Variants in RELCH observed in about 807,000 individuals in gnomAD.
RELCH encodes RAB11-binding protein RELCH.
RELCH carries 41 observed loss-of-function variants against 150.3 expected under a neutral mutation model. The observed-to-expected ratio is 0.27, with a 90% CI of 0.21 to 0.35. The LOEUF is 0.35. Ranked by LOEUF, RELCH falls within the 10% of genes least tolerant of loss-of-function variation. RELCH has a pLI of 1.00. For missense variants in RELCH, 1,092 were observed against 1,467.8 expected, an observed-to-expected ratio of 0.74 and a Z score of 4.18; for synonymous variants, 478 against 531.8, an observed-to-expected ratio of 0.90 and a Z score of 1.39.
At chr18:62,253,796 T>C (rs1006772614) in intron 12 of RELCH, among the ~76,000 whole-genome samples, 10 of 152,246 alleles carry the variant, frequency 6.6e-5, no homozygotes, top group African/African-American at 2.4e-4. Context: ...CAGTGCATAC[T>C]AATTTAGGGT....
intron 25 of RELCH, among the ~76,000 whole-genome samples, chr18:62,283,591 G>A (rs574321447): frequency 1.3e-4 from 20 of 152,230 alleles, no homozygotes; most frequent in Admixed American, 6.5e-5. Context: ...CCAAAAAATC[G>A]ATTGAAGGCA....
chr18:62,259,286 A>T (rs1043772984), intron 15 of RELCH, among the ~76,000 whole-genome samples: 1 of 151,978 alleles, frequency 6.6e-6, no homozygotes, highest in Non-Finnish European at 1.5e-5. Flanking sequence ...AGGAGAGGGG[A>T]AGTATTATAG....
Position 62,221,204 on chromosome 18 carries a change from G to GTT in RELCH, c.689-9_689-8dup, listed in dbSNP as rs763142680. The GTT allele has an allele frequency of 1.9e-5, 30 of 1,605,080 alleles. No homozygotes were observed. The highest frequency in any genetic ancestry group is 2.4e-5 in the Non-Finnish European group (28 of 1,172,838). On this transcript the variant is annotated splice_polypyrimidine_tract_variant and intron_variant, in intron 3 of 28. Transcript: ENST00000644646. ...TGTAAAATAGTAAAATAGTACTTAT[G>GTT]TTTTTTTCCACCAGAACATGAAGTT...
chr18:62,195,075 A>G, intron 1 of RELCH, among the ~76,000 whole-genome samples: 1 of 152,202 alleles, frequency 6.6e-6, no homozygotes, highest in Non-Finnish European at 1.5e-5. Context: ...ACATTCAAAT[A>G]TGAACAGGAT....
At chr18:62,225,042 A>G (rs1200643776) in intron 5 of RELCH, among the ~76,000 whole-genome samples, 1 of 152,108 alleles carries the variant, frequency 6.6e-6, no homozygotes, top group Non-Finnish European at 1.5e-5. Context: ...AATAGAATCC[A>G]GAGATGGACT....
intron 25 of RELCH, among the ~76,000 whole-genome samples, chr18:62,285,265 G>A (rs1021356096): frequency 1.4e-4 from 21 of 152,056 alleles, no homozygotes; most frequent in African/African-American, 5.1e-4. Context: ...AGCCTCCCGA[G>A]TAGCTGGGAT....
At chr18:62,252,020 G>A (rs926544378) in intron 11 of RELCH, among the ~76,000 whole-genome samples, 13 of 151,828 alleles carry the variant, frequency 8.6e-5, no homozygotes, top group Non-Finnish European at 1.6e-4. Context: ...TTCTTGAGAC[G>A]GAGTCTCACT....
chr18:62,205,003 G>C (rs1197141843), intron 1 of RELCH, among the ~76,000 whole-genome samples: 2 of 152,122 alleles, frequency 1.3e-5, no homozygotes, highest in Non-Finnish European at 1.5e-5. Context: ...AAAGCATACA[G>C]ACAAGTTGAA....
intron 27 of RELCH, among the ~76,000 whole-genome samples, chr18:62,295,884 G>A (rs2045384895): frequency 6.6e-6 from 1 of 151,982 alleles, no homozygotes; most frequent in Non-Finnish European, 1.5e-5. Context: ...TGAATTTAAG[G>A]TTTTAAGTAT....
At chr18:62,293,736 A>C (rs2045271778) in intron 27 of RELCH, among the ~76,000 whole-genome samples, 1 of 151,964 alleles carries the variant, frequency 6.6e-6, no homozygotes, top group Non-Finnish European at 1.5e-5. Flanking sequence ...TTAAACTAAC[A>C]CCCATGTAAT....
chr18:62,242,473 A>C (rs941831240), intron 10 of RELCH, among the ~76,000 whole-genome samples: 9 of 152,162 alleles, frequency 5.9e-5, no homozygotes, highest in African/African-American at 2.2e-4. Context: ...AAATTGCAGA[A>C]TGTATGTGAA....
At chr18:62,298,984 A>C in intron 28 of RELCH, 124 bp downstream of exon 28, 1 of 589,390 alleles carries the variant, frequency 1.7e-6, no homozygotes, top group Non-Finnish European at 3.0e-6. Context: ...GAAGACAAGA[A>C]AATGATTTAA....
chr18:62,297,705 G>C (rs991545142), intron 27 of RELCH, among the ~76,000 whole-genome samples: 1 of 152,108 alleles, frequency 6.6e-6, no homozygotes, highest in Admixed American at 6.6e-5. Flanking sequence ...CTCTCTTCTA[G>C]TACATCTAAG....
intron 12 of RELCH, chr18:62,254,649 G>A (rs1247181979): frequency 6.6e-6 from 1 of 151,972 alleles, no homozygotes; most frequent in East Asian, 1.9e-4. Flanking sequence ...CCTCCAGTTT[G>A]TTGCCCAGTA....
At chr18:62,252,308 A>T (rs748321409) in intron 11 of RELCH, among the ~76,000 whole-genome samples, 4 of 151,972 alleles carry the variant, frequency 2.6e-5, no homozygotes, top group Admixed American at 6.5e-5. Flanking sequence ...CAAAAGGTCT[A>T]ATTTTTCAAA....
chr18:62,292,290 G>C (rs1359952138), intron 27 of RELCH, among the ~76,000 whole-genome samples: 1 of 151,982 alleles, frequency 6.6e-6, no homozygotes, highest in Non-Finnish European at 1.5e-5. Context: ...ACCCTGATAG[G>C]ACTTTTTTTT....
At chr18:62,228,202 TTTTAAA>T (rs2041333293) in intron 7 of RELCH, 97 bp from the exon 8 acceptor site, 4 of 954,858 alleles carry the variant, frequency 4.2e-6, no homozygotes, top group Admixed American at 2.4e-5. Flanking sequence ...CTACTAATAC[TTTTAAA>T]TATGCTTTTA....
At chr18:62,295,333 TTC>T (rs2045355185) in intron 27 of RELCH, among the ~76,000 whole-genome samples, 1 of 151,436 alleles carries the variant, frequency 6.6e-6, no homozygotes, top group Admixed American at 6.6e-5. Flanking sequence ...TTTTTTTTTT[TTC>T]TCTTTCTTTT....
In RELCH at chr18:62,307,542, A is replaced by C. The variant is rs888482474; in HGVS notation, c.*2008A>C. The C allele has an allele frequency of 2.6e-5, 4 of 152,080 alleles. No homozygotes were observed. The highest frequency in any genetic ancestry group is 9.7e-5 in the African/African-American group (4 of 41,434). The allele number at this position is 152,080 out of a possible 1,614,324, so 9.4% of individuals were successfully genotyped here. ...TCTTAAATATTTTAATATCATTAAG[A>C]TTTCACATTGTGGTTTTGTTTTTTG... On this transcript the variant is annotated 3_prime_UTR_variant, in exon 29 of 29. Transcript: ENST00000644646.
Sources: allele counts gnomAD v4.1 joint callset (sites outside exome capture counted in the v4.1 genomes callset), GRCh38; gene constraint gnomAD v4.1.1; transcripts MANE v1.5; gene names NCBI Gene and HGNC (gene_info 2026-07-23, HGNC 2026-07-21).